IMPA1: variants seen among roughly 807,000 people sequenced by gnomAD.
IMPA1 encodes inositol monophosphatase 1.
In IMPA1, 21 loss-of-function variants were observed where a neutral mutation model predicts 34.9. That is an observed-to-expected ratio of 0.60 (90% CI 0.43 to 0.87). The LOEUF (loss-of-function observed/expected upper bound fraction) is 0.87. IMPA1 is among the 40% of genes least tolerant of loss of function. The probability of loss-of-function intolerance (pLI) is 0.00; values close to 1 mark genes in which losing one functional copy is unlikely to be tolerated. For synonymous variants in IMPA1, 95 were observed against 104.4 expected (o/e 0.91, Z 0.55); for missense variants, 299 against 336.4 (o/e 0.89, Z 0.87).
At chr8:81,683,980 T>C (rs1807380838) in intron 1 of IMPA1, among the ~76,000 whole-genome samples, 1 of 152,036 alleles carries the variant, frequency 6.6e-6, no homozygotes, top group African/African-American at 2.4e-5. Flanking sequence ...TCTTACGATC[T>C]ACAGTCAGAC....
intron 7 of IMPA1, among the ~76,000 whole-genome samples, chr8:81,666,398 A>G (rs1806821260): frequency 6.6e-6 from 1 of 152,230 alleles, no homozygotes; most frequent in South Asian, 2.1e-4. Flanking sequence ...AATTGAGACA[A>G]AAACAGTCAT....
Position 81,673,896 on chromosome 8 carries a change from T to C in IMPA1, c.402A>G (p.Arg134=), listed in dbSNP as rs1386465579. ...CATTACAAAAGGCACCTTTTCCTTT[T>C]CTGGCAGTGTACATCTTGCCTTCCA... is the stretch of plus-strand genomic sequence containing the variant. ...SCVEGKMYTA[R]KGKGAFCNGQ... Residue 134 remains arginine (R), a synonymous_variant, in exon 6 of 9, where the codon AGA becomes AGG. Coordinates refer to ENST00000256108, the MANE Select transcript of IMPA1 (RefSeq NM_005536.4). 24 of 1,613,670 alleles carry C rather than the reference T, an allele frequency of 1.5e-5. No individual in the cohort carries two copies. The highest frequency in any genetic ancestry group is 2.2e-5 in the South Asian group (2 of 91,070).
At chr8:81,685,877 C>A in intron 1 of IMPA1, 1 of 1,548,522 alleles carries the variant, frequency 6.5e-7, no homozygotes, top group Non-Finnish European at 8.7e-7. Flanking sequence ...GTCCCAGCAC[C>A]GCGACTGCGG....
At chr8:81,665,037 A>G (rs1806780033) in intron 7 of IMPA1, among the ~76,000 whole-genome samples, 1 of 152,228 alleles carries the variant, frequency 6.6e-6, no homozygotes, top group Non-Finnish European at 1.5e-5. Context: ...AAATTCAGAA[A>G]GCAGGAACCC....
intron 4 of IMPA1, among the ~76,000 whole-genome samples, chr8:81,677,190 G>C (rs1807156930): frequency 6.6e-6 from 1 of 151,884 alleles, no homozygotes; most frequent in Admixed American, 6.6e-5. Context: ...CCACTTCCCG[G>C]GTTCAAGTGA....
At chr8:81,683,332 G>C (rs527923411) in intron 1 of IMPA1, among the ~76,000 whole-genome samples, 158 of 152,290 alleles carry the variant, frequency 1.0e-3, no homozygotes, top group Non-Finnish European at 1.9e-3. Flanking sequence ...TGTTGGTAGA[G>C]GGTCAGCAGA....
intron 2 of IMPA1, among the ~76,000 whole-genome samples, chr8:81,681,249 G>A (rs900460226): frequency 3.3e-5 from 5 of 152,078 alleles, no homozygotes; most frequent in Non-Finnish European, 7.4e-5. Context: ...AAAGTAGCTG[G>A]ACATGGTGGC....
intron 7 of IMPA1, among the ~76,000 whole-genome samples, chr8:81,666,390 T>C (rs773056287): frequency 2.3e-4 from 35 of 152,086 alleles, no homozygotes; most frequent in Non-Finnish European, 4.6e-4. Flanking sequence ...TACAACAGAA[T>C]TGAGACAAAA....
At chr8:81,668,694 G>A (rs1224139875) in intron 7 of IMPA1, among the ~76,000 whole-genome samples, 1 of 152,204 alleles carries the variant, frequency 6.6e-6, no homozygotes, top group African/African-American at 2.4e-5. Flanking sequence ...GTGTTCAAAG[G>A]AGGAAACCGA....
At chr8:81,684,607 C>CTACACATAAGTATCTTTAGATACTATGTG (rs1563592612) in intron 1 of IMPA1, among the ~76,000 whole-genome samples, 1 of 14,234 alleles carries the variant, frequency 7.0e-5, no homozygotes, top group African/African-American at 1.7e-4. Flanking sequence ...ATATATATAT[C>CTACACATAAGTATCTTTAGATACTATGTG]TAGTATATAT....
intron 1 of IMPA1, among the ~76,000 whole-genome samples, chr8:81,684,303 GTATA>G (rs1368837836): frequency 2.3e-5 from 3 of 132,530 alleles, no homozygotes; most frequent in East Asian, 2.1e-4. Context: ...ACTATATATA[GTATA>G]TATACCATAC....
At chr8:81,672,875 G>A (rs1807028638) in intron 6 of IMPA1, among the ~76,000 whole-genome samples, 1 of 152,090 alleles carries the variant, frequency 6.6e-6, no homozygotes, top group South Asian at 2.1e-4. Flanking sequence ...CAGATCAGAG[G>A]AATTCTATAA....
At chr8:81,679,329 G>C in intron 3 of IMPA1, 99 bp from the exon 4 acceptor site, 1 of 830,396 alleles carries the variant, frequency 1.2e-6, no homozygotes, top group South Asian at 1.4e-5. Flanking sequence ...ATAAAACATA[G>C]CAGGCGAGGT....
chr8:81,683,792 C>T (rs1807374851), intron 1 of IMPA1, among the ~76,000 whole-genome samples: 1 of 151,896 alleles, frequency 6.6e-6, no homozygotes, highest in South Asian at 2.1e-4. Context: ...TGGATAATCA[C>T]TGGATAGGCA....
intron 7 of IMPA1, among the ~76,000 whole-genome samples, chr8:81,663,626 A>T (rs1361813205): frequency 6.6e-6 from 1 of 152,242 alleles, no homozygotes; most frequent in Non-Finnish European, 1.5e-5. Context: ...ATATTTTCAC[A>T]AAGAAAAAGA....
At chr8:81,664,927 C>T (rs754103710) in intron 7 of IMPA1, among the ~76,000 whole-genome samples, 1 of 149,730 alleles carries the variant, frequency 6.7e-6, no homozygotes, top group Non-Finnish European at 1.5e-5. Flanking sequence ...ACTTAAGGAC[C>T]CTGCAGAAAT....
At chr8:81,670,906 A>C in intron 7 of IMPA1, 33 bp downstream of exon 7, 2 of 1,142,758 alleles carry the variant, frequency 1.8e-6, no homozygotes, top group Middle Eastern at 2.0e-4. Flanking sequence ...CACGTATACA[A>C]AGAGAGAGAT....
chr8:81,677,541 G>A (rs1247547932), intron 4 of IMPA1, among the ~76,000 whole-genome samples: 1 of 152,200 alleles, frequency 6.6e-6, no homozygotes, highest in East Asian at 1.9e-4. Context: ...TTTTTCCATA[G>A]CTGCATGACA....
At chr8:81,681,321 C>T (rs1806621224) in intron 2 of IMPA1, among the ~76,000 whole-genome samples, 177 bp downstream of exon 2, 1 of 152,106 alleles carries the variant, frequency 6.6e-6, no homozygotes, top group African/African-American at 2.4e-5. Flanking sequence ...TTGAGCCCAG[C>T]CTGGGAAGTT....
Sources: gnomAD v4.1 joint callset for allele counts (sites outside exome capture counted in the v4.1 genomes callset) on GRCh38, gnomAD v4.1.1 for gene constraint, MANE v1.5 for transcripts, NCBI Gene and HGNC (gene_info 2026-07-23, HGNC 2026-07-21) for gene names.